The following MYO1D variants were observed in gnomAD, a reference collection of about 807,000 sequenced individuals.
The protein encoded by MYO1D is myosin ID, also known as unconventional myosin-Id.
MYO1D carries 83 observed loss-of-function variants against 122.0 expected under a neutral mutation model. That is an observed-to-expected ratio of 0.68 (90% CI 0.57 to 0.82). MYO1D has a LOEUF of 0.82. MYO1D is among the 40% of genes least tolerant of loss of function. MYO1D has a pLI of 0.00. For synonymous variants in MYO1D, 464 were observed against 446.9 expected, an observed-to-expected ratio of 1.04 and a Z score of -0.48; for missense variants, 1,157 against 1,269.5, an observed-to-expected ratio of 0.91 and a Z score of 1.35.
intron 12 of MYO1D, among the ~76,000 whole-genome samples, chr17:32,746,132 A>G (rs1231677453): frequency 6.6e-6 from 1 of 152,196 alleles, no homozygotes; most frequent in Non-Finnish European, 1.5e-5. Context: ...CTTGCCTTAC[A>G]TATTTAATCC....
intron 10 of MYO1D, among the ~76,000 whole-genome samples, chr17:32,757,166 C>T (rs906981115): frequency 3.3e-5 from 5 of 152,120 alleles, no homozygotes; most frequent in Non-Finnish European, 7.4e-5. Context: ...TTGTACATGG[C>T]TTTTAGCTCC....
intron 1 of MYO1D, among the ~76,000 whole-genome samples, chr17:32,783,157 C>CAA (rs5819997): frequency 0.02 from 2,914 of 145,288 alleles, 48 homozygotes; most frequent in South Asian, 0.028. Context: ...ACTGTCCAAA[C>CAA]AAAAAAAAAA....
chr17:32,591,225 T>C (rs1157627530), intron 21 of MYO1D, among the ~76,000 whole-genome samples: 3 of 152,216 alleles, frequency 2.0e-5, no homozygotes, highest in Non-Finnish European at 4.4e-5. Context: ...CACTTTAACA[T>C]TGTTTGATTT....
chr17:32,701,523 T>C (rs948250121), intron 16 of MYO1D, among the ~76,000 whole-genome samples: 2 of 152,202 alleles, frequency 1.3e-5, no homozygotes, highest in African/African-American at 4.8e-5. Context: ...ATATAATTCA[T>C]CTATTCTTGA....
At chr17:32,620,439 T>A (rs1390310279) in intron 20 of MYO1D, among the ~76,000 whole-genome samples, 2 of 152,146 alleles carry the variant, frequency 1.3e-5, no homozygotes, top group East Asian at 1.9e-4. Context: ...CTTGTACTTT[T>A]GGCAAGAAAG....
At chr17:32,630,063 C>T (rs2087984005) in intron 20 of MYO1D, among the ~76,000 whole-genome samples, 1 of 151,990 alleles carries the variant, frequency 6.6e-6, no homozygotes, top group African/African-American at 2.4e-5. Flanking sequence ...GTGAGAGACA[C>T]TAGTATAAAC....
intron 21 of MYO1D, among the ~76,000 whole-genome samples, chr17:32,536,747 C>T (rs1013803712): frequency 1.3e-5 from 2 of 152,268 alleles, no homozygotes; most frequent in South Asian, 2.1e-4. Flanking sequence ...ATCTGGGTCA[C>T]GGCTGTAGAA....
At chr17:32,567,287 G>A (rs140373961) in intron 21 of MYO1D, among the ~76,000 whole-genome samples, 96 of 152,302 alleles carry the variant, frequency 6.3e-4, no homozygotes, top group African/African-American at 2.2e-3. Flanking sequence ...AGTGACATGT[G>A]CTCAAGAAAT....
chr17:32,804,851 A>G (rs2090496190), intron 1 of MYO1D, among the ~76,000 whole-genome samples: 1 of 152,154 alleles, frequency 6.6e-6, no homozygotes, highest in Non-Finnish European at 1.5e-5. Context: ...ATTTTATTCA[A>G]TAAAGTATAG....
chr17:32,593,741 G>C (rs1005652965), intron 21 of MYO1D, among the ~76,000 whole-genome samples: 6 of 152,218 alleles, frequency 3.9e-5, no homozygotes, highest in African/African-American at 1.4e-4. Flanking sequence ...TTCGAGACCA[G>C]TCTGGCCAAC....
intron 21 of MYO1D, among the ~76,000 whole-genome samples, chr17:32,560,578 A>ATATATATATATAT (rs2087115136): frequency 3.1e-5 from 2 of 64,734 alleles, no homozygotes; most frequent in Non-Finnish European, 7.1e-5. Flanking sequence ...TATATATATA[A>ATATATATATATAT]CTTTTATACC....
At chr17:32,561,814 T>C (rs1026154958) in intron 21 of MYO1D, among the ~76,000 whole-genome samples, 2 of 152,140 alleles carry the variant, frequency 1.3e-5, no homozygotes, top group Admixed American at 1.3e-4. Context: ...CATATTAACA[T>C]AGAAATATTA....
rs771085317 is a variant in MYO1D at position 32,654,468 on chromosome 17, T to G, written c.2490+9A>C. On this transcript the variant is annotated intron_variant, in intron 18 of 21. Transcript: ENST00000318217. Reference sequence around the variant, plus strand: ...AGAAGTAGATTTCACTTTGTTCCCTTGGACTTACTGAAGCAAGATAGTTGC... The same window carrying G: ...AGAAGTAGATTTCACTTTGTTCCCTGGGACTTACTGAAGCAAGATAGTTGC... The G allele has an allele frequency of 1.2e-6, 2 of 1,607,028 alleles. No individual in the cohort carries two copies. Among genetic ancestry groups the G allele is most frequent in the South Asian group, 1.1e-5 (1 of 89,728 alleles).
At chr17:32,708,220 T>C (rs1056993239) in intron 16 of MYO1D, among the ~76,000 whole-genome samples, 4 of 152,178 alleles carry the variant, frequency 2.6e-5, no homozygotes, top group Admixed American at 1.3e-4. Flanking sequence ...AAGTTGATCA[T>C]AGAAATACAC....
intron 21 of MYO1D, chr17:32,531,558 G>A (rs1182734380): frequency 6.6e-6 from 1 of 152,168 alleles, no homozygotes; most frequent in Non-Finnish European, 1.5e-5. Context: ...AGGCAAATAA[G>A]AATGTTGTTG....
At chr17:32,811,975 C>A (rs1450290817) in intron 1 of MYO1D, among the ~76,000 whole-genome samples, 1 of 152,124 alleles carries the variant, frequency 6.6e-6, no homozygotes. Context: ...ACTGAATTAT[C>A]CAACCCAGGA....
chr17:32,822,460 G>A (rs1393165130), intron 1 of MYO1D, among the ~76,000 whole-genome samples: 1 of 151,444 alleles, frequency 6.6e-6, no homozygotes, highest in African/African-American at 2.4e-5. Flanking sequence ...CGCCGACCAC[G>A]GGCAGTGGTG....
At chr17:32,710,083 A>G (rs903770181) in intron 16 of MYO1D, among the ~76,000 whole-genome samples, 17 of 152,194 alleles carry the variant, frequency 1.1e-4, no homozygotes, top group Non-Finnish European at 2.2e-4. Flanking sequence ...TATGCACTTA[A>G]AATGTATACT....
chr17:32,497,966 T>C (rs1909178710), intron 21 of MYO1D: 1 of 152,256 alleles, frequency 6.6e-6, no homozygotes, highest in South Asian at 2.1e-4. Context: ...GTTGGTCCTC[T>C]CCTTCCCGTT....
Sources: allele counts gnomAD v4.1 joint callset (sites outside exome capture counted in the v4.1 genomes callset), GRCh38; gene constraint gnomAD v4.1.1; transcripts MANE v1.5; gene names NCBI Gene and HGNC (gene_info 2026-07-23, HGNC 2026-07-21).